The following TRIM5 variants were observed in gnomAD, a reference collection of about 807,000 sequenced individuals.
TRIM5 encodes the protein tripartite motif containing 5, also known as tripartite motif-containing protein 5.
Under a neutral mutation model 35.6 loss-of-function variants are expected in TRIM5, and 31 were observed. The ratio of observed to expected loss-of-function variants is 0.87; its 90% CI spans 0.65 to 1.18. The LOEUF is 1.18. Among genes scored for constraint, TRIM5 ranks in the 50% most tolerant of loss-of-function variants. TRIM5 has a pLI of 0.00. For missense variants in TRIM5, 609 were observed against 591.6 expected (o/e 1.03, Z -0.31); for synonymous variants, 243 against 215.6 (o/e 1.13, Z -1.11).
At chr11:5,631,318 G>A in the TRIM5 span, among the ~76,000 whole-genome samples, 118 of 152,116 alleles carry the variant, frequency 7.8e-4, 2 homozygotes, top group South Asian at 0.023. Context: ...GCTTTACCTC[G>A]GCTTTTCTTT....
chr11:5,614,774 T>A, the TRIM5 span, among the ~76,000 whole-genome samples: 18 of 152,198 alleles, frequency 1.2e-4, no homozygotes, highest in African/African-American at 4.1e-4. Context: ...AATAATCTTT[T>A]TAGGGGAAGA....
At chr11:5,611,104 A>G in the TRIM5 span, 18 of 1,614,192 alleles carry the variant, frequency 1.1e-5, no homozygotes, top group Admixed American at 8.3e-5. Flanking sequence ...CAGCATAACC[A>G]TGAATATAGG....
the TRIM5 span, chr11:5,643,866 G>C: frequency 1.1e-6 from 1 of 951,568 alleles, no homozygotes; most frequent in Admixed American, 2.8e-5. Flanking sequence ...AGTTATGAGA[G>C]ATGCTTATTT....
chr11:5,666,378 T>TAAAA, intron 5 of TRIM5: 1 of 180,254 alleles, frequency 5.5e-6, no homozygotes, highest in Non-Finnish European at 1.1e-5. Context: ...TCATAGGACA[T>TAAAA]AAAAAAAAAA....
chr11:5,657,408 G>A, the TRIM5 span, among the ~76,000 whole-genome samples: 1,701 of 149,166 alleles, frequency 0.011, 19 homozygotes, highest in African/African-American at 0.035. Flanking sequence ...GTGTATACCT[G>A]TGTAACAAAC....
At chr11:5,668,087 C>T (rs923655942) in intron 4 of TRIM5, among the ~76,000 whole-genome samples, 3 of 152,030 alleles carry the variant, frequency 2.0e-5, no homozygotes, top group African/African-American at 7.2e-5. Context: ...GGCAACATAG[C>T]ATGACCGCAT....
At chr11:5,682,373 G>A (rs983888566) in intron 1 of TRIM5, among the ~76,000 whole-genome samples, 3 of 152,078 alleles carry the variant, frequency 2.0e-5, no homozygotes, top group Non-Finnish European at 4.4e-5. Flanking sequence ...TACGGCCCAC[G>A]GAGAGGGAGG....
the TRIM5 span, among the ~76,000 whole-genome samples, chr11:5,654,736 A>C: frequency 3.9e-5 from 6 of 152,222 alleles, no homozygotes; most frequent in Non-Finnish European, 8.8e-5. Flanking sequence ...AACCACATGC[A>C]TTGAGGTAAG....
the TRIM5 span, among the ~76,000 whole-genome samples, chr11:5,593,420 AT>A: frequency 6.6e-6 from 1 of 152,096 alleles, no homozygotes; most frequent in Non-Finnish European, 1.5e-5. Flanking sequence ...TATACTAGAG[AT>A]TTTTTTCACA....
the TRIM5 span, among the ~76,000 whole-genome samples, chr11:5,628,028 T>C: frequency 6.6e-6 from 1 of 152,222 alleles, no homozygotes; most frequent in Non-Finnish European, 1.5e-5. Flanking sequence ...GTCAGGCCAA[T>C]GGCACTCATG....
downstream of TRIM5, among the ~76,000 whole-genome samples, chr11:5,661,175 T>C (rs1412439248): frequency 6.6e-6 from 1 of 150,658 alleles, no homozygotes; most frequent in Non-Finnish European, 1.5e-5. Flanking sequence ...CAGAACATAA[T>C]TGTTACCTTG....
chr11:5,654,030 T>A, the TRIM5 span, among the ~76,000 whole-genome samples: 1 of 152,106 alleles, frequency 6.6e-6, no homozygotes, highest in Non-Finnish European at 1.5e-5. Flanking sequence ...GTCTGTCTCT[T>A]TGTTGAATTT....
the TRIM5 span, among the ~76,000 whole-genome samples, chr11:5,657,641 T>C: frequency 8.0e-6 from 1 of 125,672 alleles, no homozygotes; most frequent in East Asian, 2.1e-4. Context: ...ATATATATTA[T>C]TTATATATTA....
At chr11:5,673,038 T>C (rs542649451) in intron 4 of TRIM5, among the ~76,000 whole-genome samples, 22 of 152,154 alleles carry the variant, frequency 1.4e-4, no homozygotes, top group African/African-American at 3.6e-4. Context: ...AGGAGAAATA[T>C]AGAAAACAAA....
the TRIM5 span, among the ~76,000 whole-genome samples, chr11:5,646,955 A>T: frequency 6.6e-6 from 1 of 152,194 alleles, no homozygotes; most frequent in Admixed American, 6.5e-5. Context: ...CAAACAAAAA[A>T]ACTTTGGTGC....
chr11:5,605,264 C>A, the TRIM5 span: 147 of 1,604,810 alleles, frequency 9.2e-5, no homozygotes, highest in Non-Finnish European at 1.1e-4. Flanking sequence ...CTGAGCCCAA[C>A]TTCCCCGCTT....
At chr11:5,601,252 GA>G in the TRIM5 span, among the ~76,000 whole-genome samples, 2 of 152,202 alleles carry the variant, frequency 1.3e-5, no homozygotes, top group Non-Finnish European at 2.9e-5. Context: ...TGAGTTTGAG[GA>G]CGAAGCTTTG....
the TRIM5 span, chr11:5,603,575 C>T: frequency 1.2e-6 from 2 of 1,613,934 alleles, no homozygotes; most frequent in Non-Finnish European, 1.7e-6. Context: ...GTGTTGGGCC[C>T]TGGGAAGCAG....
At chr11:5,628,622 G>A in the TRIM5 span, among the ~76,000 whole-genome samples, 41 of 152,236 alleles carry the variant, frequency 2.7e-4, no homozygotes, top group East Asian at 1.2e-3. Context: ...TTTGCCAAGC[G>A]TGGGAAAGAT....
Sources: allele counts gnomAD v4.1 joint callset (sites outside exome capture counted in the v4.1 genomes callset), GRCh38; gene constraint gnomAD v4.1.1; transcripts MANE v1.5; gene names NCBI Gene and HGNC (gene_info 2026-07-23, HGNC 2026-07-21).